The following MTHFD2L variants were observed in gnomAD, a reference collection of about 807,000 sequenced individuals.
MTHFD2L encodes the protein methylenetetrahydrofolate dehydrogenase (NADP+ dependent) 2 like.
MTHFD2L carries 29 observed loss-of-function variants against 34.9 expected under a neutral mutation model. The ratio of observed to expected loss-of-function variants is 0.83; its 90% CI spans 0.62 to 1.13. MTHFD2L has a LOEUF of 1.13. Among genes scored for constraint, MTHFD2L ranks in the 50% most tolerant of loss-of-function variants. MTHFD2L has a pLI of 0.00. For missense variants in MTHFD2L, 481 were observed against 446.5 expected, an observed-to-expected ratio of 1.08 and a Z score of -0.70; for synonymous variants, 167 against 155.7, an observed-to-expected ratio of 1.07 and a Z score of -0.54.
intron 6 of MTHFD2L, among the ~76,000 whole-genome samples, chr4:74,257,673 G>T (rs1432925703): frequency 2.0e-5 from 3 of 152,088 alleles, no homozygotes; most frequent in South Asian, 2.1e-4. Context: ...AAAGCTTCTG[G>T]ACTTTGGTTT....
At chr4:74,196,561 A>G (rs961721862) in intron 3 of MTHFD2L, among the ~76,000 whole-genome samples, 6 of 152,234 alleles carry the variant, frequency 3.9e-5, no homozygotes, top group East Asian at 1.9e-4. Context: ...GTAAAAATCT[A>G]TAGGTGGAAA....
At chr4:74,178,092 C>G (rs537191340) in intron 3 of MTHFD2L, among the ~76,000 whole-genome samples, 1 of 151,920 alleles carries the variant, frequency 6.6e-6, no homozygotes, top group East Asian at 1.9e-4. Context: ...GGACTGAGGA[C>G]TGGAGAGGGG....
chr4:74,138,942 C>T lies in MTHFD2L; in HGVS notation c.-297+13425C>T, dbSNP rs1723120803. 2.6e-5 allele frequency among the ~76,000 whole-genome samples: 4 copies of T among 152,214 alleles called. 1 individual carries two copies. The highest frequency in any genetic ancestry group is 4.1e-4 in the South Asian group (2 of 4,826). Reference sequence around the variant, plus strand: ...TAGCCTAATTTGTATTTTAGTGAGCCGTCTTTACTACCTGATTGGTTGAGT... The same window carrying T: ...TAGCCTAATTTGTATTTTAGTGAGCTGTCTTTACTACCTGATTGGTTGAGT... On this transcript the variant is annotated intron_variant, in intron 1 of 7. Coordinates refer to the MTHFD2L transcript ENST00000433372.
intron 3 of MTHFD2L, chr4:74,181,811 G>GT (rs924344714): frequency 9.9e-5 from 15 of 152,154 alleles, no homozygotes; most frequent in African/African-American, 3.6e-4. Flanking sequence ...AAGAGTTTGA[G>GT]TTCATGGCGC....
intron 1 of MTHFD2L, among the ~76,000 whole-genome samples, chr4:74,135,895 C>T (rs1195796463): frequency 6.6e-6 from 1 of 151,926 alleles, no homozygotes; most frequent in African/African-American, 2.4e-5. Context: ...CAATAGATGC[C>T]ATAAAGGTAA....
At chr4:74,156,717 C>A (rs1001279645), upstream of MTHFD2L, 1 of 152,100 alleles carries the variant, frequency 6.6e-6, no homozygotes, top group African/African-American at 2.4e-5. Context: ...GCCAGCATTT[C>A]GTATTATCAA....
At chr4:74,177,440 A>G (rs999643286) in intron 3 of MTHFD2L, among the ~76,000 whole-genome samples, 2 of 151,898 alleles carry the variant, frequency 1.3e-5, no homozygotes, top group Non-Finnish European at 2.9e-5. Context: ...TGTCCATTCT[A>G]CACAAAATGA....
intron 6 of MTHFD2L, among the ~76,000 whole-genome samples, chr4:74,231,025 G>T (rs940077379): frequency 2.0e-5 from 3 of 152,020 alleles, no homozygotes; most frequent in African/African-American, 7.2e-5. Context: ...GTGAAAGCTG[G>T]CATTTTTGGC....
At chr4:74,237,856 A>T (rs185086526) in intron 6 of MTHFD2L, among the ~76,000 whole-genome samples, 81 of 152,316 alleles carry the variant, frequency 5.3e-4, no homozygotes, top group African/African-American at 1.8e-3. Context: ...GCAAAGAATT[A>T]ACTGAGAAAT....
At chr4:74,182,758 T>A (rs1483440891) in intron 3 of MTHFD2L, 1 of 152,136 alleles carries the variant, frequency 6.6e-6, no homozygotes, top group Non-Finnish European at 1.5e-5. Flanking sequence ...GACAATAGAT[T>A]GTAAAAGGAA....
At chr4:74,142,508 C>A (rs976335104) in intron 1 of MTHFD2L, among the ~76,000 whole-genome samples, 56 of 152,200 alleles carry the variant, frequency 3.7e-4, no homozygotes, top group African/African-American at 1.3e-3. Context: ...ACGCTGGCAA[C>A]CTGACTTCAG....
At chr4:74,140,677 A>T (rs965267077) in intron 1 of MTHFD2L, 20 of 431,524 alleles carry the variant, frequency 4.6e-5, no homozygotes, top group Admixed American at 6.4e-5. Context: ...ATTGACCCAC[A>T]GTTCCACAGG....
chr4:74,256,276 T>G (rs1744017582), intron 6 of MTHFD2L, among the ~76,000 whole-genome samples: 1 of 151,972 alleles, frequency 6.6e-6, no homozygotes, highest in Non-Finnish European at 1.5e-5. Flanking sequence ...CACCCAGCTA[T>G]TTTTATATAT....
At chr4:74,259,646 A>T (rs1395286449) in intron 6 of MTHFD2L, among the ~76,000 whole-genome samples, 1 of 152,246 alleles carries the variant, frequency 6.6e-6, no homozygotes, top group Non-Finnish European at 1.5e-5. Flanking sequence ...GGACCCTGTC[A>T]AAAACAATGA....
chr4:74,165,652 G>A (rs1726540225), intron 1 of MTHFD2L, among the ~76,000 whole-genome samples: 1 of 152,148 alleles, frequency 6.6e-6, no homozygotes, highest in South Asian at 2.1e-4. Context: ...CACTAGGCCC[G>A]GCCCTTGTGC....
At chr4:74,154,439 T>A (rs1362456381), upstream of MTHFD2L, among the ~76,000 whole-genome samples, 2 of 152,152 alleles carry the variant, frequency 1.3e-5, no homozygotes, top group Admixed American at 6.5e-5. Flanking sequence ...CTGCATCATG[T>A]TTCTTCTCTC....
intron 1 of MTHFD2L, among the ~76,000 whole-genome samples, chr4:74,136,733 G>T (rs892162033): frequency 4.6e-5 from 7 of 152,002 alleles, no homozygotes; most frequent in Non-Finnish European, 1.0e-4. Context: ...CTATTACAAA[G>T]CTATAGTAAC....
rs527543344 is a variant in MTHFD2L at position 74,181,224 on chromosome 4, T to A, written c.451+5821T>A. On this transcript the variant is annotated intron_variant, in intron 3 of 7. Coordinates refer to ENST00000325278, the MANE Select transcript of MTHFD2L (RefSeq NM_001144978.3). ...TATGAACTGTGTGAAAACATTTAGA[T>A]CTAAGGCTGAAAACAATTATCAACT... Among the ~76,000 whole-genome samples the A allele has an allele frequency of 7.2e-5, 11 of 152,276 alleles. No individual in the cohort carries two copies. In the South Asian group the frequency reaches 2.3e-3, roughly 32 times the overall value.
intron 5 of MTHFD2L, among the ~76,000 whole-genome samples, chr4:74,219,224 A>G (rs1661746002): frequency 6.6e-6 from 1 of 152,132 alleles, no homozygotes; most frequent in Admixed American, 6.6e-5. Flanking sequence ...ACAGATACTG[A>G]GGGACAACTG....
Sources: allele counts gnomAD v4.1 joint callset (sites outside exome capture counted in the v4.1 genomes callset), GRCh38; gene constraint gnomAD v4.1.1; transcripts MANE v1.5; gene names NCBI Gene and HGNC (gene_info 2026-07-23, HGNC 2026-07-21).